TGFA: variants seen among roughly 807,000 people sequenced by gnomAD.
TGFA encodes the protein protransforming growth factor alpha.
A neutral mutation model predicts 21.7 loss-of-function variants in TGFA; 12 were observed. That is an observed-to-expected ratio of 0.55 (90% confidence interval 0.35 to 0.90). The LOEUF (loss-of-function observed/expected upper bound fraction) is 0.90. TGFA is among the 40% of genes least tolerant of loss of function. TGFA has a pLI of 0.01. For missense variants in TGFA, 178 were observed against 210.8 expected, an observed-to-expected ratio of 0.84 and a Z score of 0.96; for synonymous variants, 79 against 88.1, an observed-to-expected ratio of 0.90 and a Z score of 0.58.
intron 5 of TGFA, among the ~76,000 whole-genome samples, chr2:70,452,671 G>C (rs1553489820): frequency 6.6e-6 from 1 of 152,306 alleles, no homozygotes; most frequent in African/African-American, 2.4e-5. Context: ...GCCGGGCACA[G>C]TGGCTCATGC....
intron 5 of TGFA, among the ~76,000 whole-genome samples, 199 bp downstream of exon 5, chr2:70,453,019 C>T (rs1331153144): frequency 1.3e-5 from 2 of 152,174 alleles, no homozygotes; most frequent in African/African-American, 4.8e-5. Context: ...GGTCCCACAG[C>T]CACCAGCCAG....
chr2:70,533,870 A>ATT (rs34113383), intron 1 of TGFA, among the ~76,000 whole-genome samples: 14 of 149,100 alleles, frequency 9.4e-5, no homozygotes, highest in South Asian at 2.1e-4. Context: ...TAAAATCCAC[A>ATT]TTTTTTTTTT....
At position 70,453,481 on chromosome 2, in the gene TGFA, G is replaced by A. The variant is rs75511448; in HGVS notation, c.366-154C>T. 7.6e-4 allele frequency among the ~76,000 whole-genome samples: 116 copies of A among 152,340 alleles called. 2 individuals carry two copies. The East Asian group carries it at 0.019, about 25-fold the overall frequency. Reference sequence around the variant, plus strand: ...GGCTTCTAGAGGGACAGGCACCATAGGGGGCTGAGGGCATTGTAGGGCAGT... The same window carrying A: ...GGCTTCTAGAGGGACAGGCACCATAAGGGGCTGAGGGCATTGTAGGGCAGT... On this transcript the variant is annotated intron_variant, in intron 4 of 5. Transcript: ENST00000295400.
At chr2:70,461,148 G>A (rs1670394261) in intron 3 of TGFA, among the ~76,000 whole-genome samples, 1 of 152,096 alleles carries the variant, frequency 6.6e-6, no homozygotes, top group South Asian at 2.1e-4. Flanking sequence ...CACTTGTATG[G>A]GAGACTCAGC....
At chr2:70,533,049 A>G (rs1672863160) in intron 1 of TGFA, among the ~76,000 whole-genome samples, 1 of 150,240 alleles carries the variant, frequency 6.7e-6, no homozygotes, top group Non-Finnish European at 1.5e-5. Flanking sequence ...TTTTTTTTTC[A>G]TAGAGACAGG....
chr2:70,451,928 C>T (rs1670072033), intron 5 of TGFA, among the ~76,000 whole-genome samples: 1 of 152,172 alleles, frequency 6.6e-6, no homozygotes, highest in African/African-American at 2.4e-5. Context: ...GATTTGCATC[C>T]TCAAGAGCTG....
chr2:70,551,923 G>C (rs531413355), intron 1 of TGFA, among the ~76,000 whole-genome samples: 76 of 152,288 alleles, frequency 5.0e-4, no homozygotes, highest in African/African-American at 1.8e-3. Flanking sequence ...GTGGGGTGTA[G>C]GGACAGCTTT....
chr2:70,526,610 T>C (rs781996278), intron 1 of TGFA, among the ~76,000 whole-genome samples: 1 of 152,182 alleles, frequency 6.6e-6, no homozygotes, highest in Non-Finnish European at 1.5e-5. Flanking sequence ...CTTTTAGCAG[T>C]GTCAATTTAA....
chr2:70,454,653 G>A (rs1430968465), intron 4 of TGFA, among the ~76,000 whole-genome samples: 2 of 152,206 alleles, frequency 1.3e-5, no homozygotes, highest in African/African-American at 2.4e-5. Flanking sequence ...GTCCCAACTT[G>A]GACCCTGCAA....
At chr2:70,476,080 CAAAAAAA>C (rs1175233983) in intron 2 of TGFA, among the ~76,000 whole-genome samples, 64 of 55,652 alleles carry the variant, frequency 1.1e-3, no homozygotes, top group African/African-American at 3.5e-3. Context: ...TAATTTTAAG[CAAAAAAA>C]AAAAAAAAAA....
chr2:70,488,093 A>G (rs1671322282), intron 2 of TGFA, among the ~76,000 whole-genome samples: 1 of 152,140 alleles, frequency 6.6e-6, no homozygotes, highest in African/African-American at 2.4e-5. Context: ...TAACATTTGT[A>G]TTTCAACTTT....
intron 1 of TGFA, among the ~76,000 whole-genome samples, chr2:70,544,542 C>T (rs1553505597): frequency 1.3e-5 from 2 of 152,158 alleles, no homozygotes; most frequent in African/African-American, 4.8e-5. Flanking sequence ...ATGTCTCCCA[C>T]ATTAGAACAC....
At chr2:70,504,433 A>AATATATATGTAT (rs1553499708) in intron 2 of TGFA, among the ~76,000 whole-genome samples, 1 of 62,450 alleles carries the variant, frequency 1.6e-5, no homozygotes, top group Admixed American at 1.7e-4. Context: ...AAACAAAACA[A>AATATATATGTAT]ATATATATAT....
chr2:70,511,263 C>A (rs1485658237), intron 2 of TGFA, among the ~76,000 whole-genome samples: 1 of 152,188 alleles, frequency 6.6e-6, no homozygotes, highest in African/African-American at 2.4e-5. Context: ...GTCCTTATAG[C>A]TTTTGTTCTA....
rs1669958047 is a variant in TGFA, at chr2:70,448,653, A to G, written c.*2206T>C. ...GGCTGTTCTATCCTGAGGCATGGACAATGGTCCAACCAGGCTTGCATTGAT... is the reference window on the plus strand; with the variant it reads ...GGCTGTTCTATCCTGAGGCATGGACGATGGTCCAACCAGGCTTGCATTGAT... On this transcript the variant is annotated 3_prime_UTR_variant, in exon 6 of 6. Transcript: ENST00000295400. 6.6e-6 allele frequency: 1 copy of G among 152,234 alleles called. No homozygotes were observed. Among genetic ancestry groups the G allele is most frequent in the Non-Finnish European group, 1.5e-5 (1 of 68,048 alleles). 9.4% of individuals were successfully genotyped at this position (152,234 alleles called of 1,614,324 possible).
At chr2:70,453,891 T>C (rs933149295) in intron 4 of TGFA, among the ~76,000 whole-genome samples, 3 of 152,138 alleles carry the variant, frequency 2.0e-5, no homozygotes, top group Non-Finnish European at 4.4e-5. Flanking sequence ...TCTCTAGTTT[T>C]GGAACATCTA....
At chr2:70,524,895 T>C (rs1403873138) in intron 1 of TGFA, among the ~76,000 whole-genome samples, 1 of 152,100 alleles carries the variant, frequency 6.6e-6, no homozygotes, top group Non-Finnish European at 1.5e-5. Context: ...TCCCTCCCTA[T>C]CCGTGAAGGC....
intron 1 of TGFA, among the ~76,000 whole-genome samples, chr2:70,547,110 T>C (rs547441137): frequency 3.3e-5 from 5 of 152,310 alleles, no homozygotes; most frequent in Admixed American, 2.0e-4. Context: ...TTTGTAGCTA[T>C]TGCCACGCTG....
intron 2 of TGFA, among the ~76,000 whole-genome samples, chr2:70,485,478 C>T (rs1671245076): frequency 6.6e-6 from 1 of 152,156 alleles, no homozygotes; most frequent in South Asian, 2.1e-4. Context: ...CCTCATGATC[C>T]ACCTGCCTCG....
Sources: allele counts gnomAD v4.1 joint callset (sites outside exome capture counted in the v4.1 genomes callset), GRCh38; gene constraint gnomAD v4.1.1; transcripts MANE v1.5; gene names NCBI Gene and HGNC (gene_info 2026-07-23, HGNC 2026-07-21).